EIF2AK1: variants seen among roughly 807,000 people sequenced by gnomAD.
The protein encoded by EIF2AK1 is eukaryotic translation initiation factor 2-alpha kinase 1.
A neutral mutation model predicts 77.9 loss-of-function variants in EIF2AK1; 54 were observed. The ratio of observed to expected loss-of-function variants is 0.69; its 90% CI spans 0.56 to 0.87. The LOEUF is 0.87. EIF2AK1 is among the 40% of genes least tolerant of loss of function. The pLI is 0.00. For synonymous variants in EIF2AK1, 314 were observed against 290.5 expected (o/e 1.08, Z -0.82); for missense variants, 810 against 768.6 (o/e 1.05, Z -0.64).
In EIF2AK1 at chr7:6,023,116, T is replaced by C; in HGVS notation, c.*1557A>G. ...CTCTTTGGTTACTTTTTTAACATAG[T>C]TTGCACTTAAACCCTTTTCAGTAGT... On this transcript the variant is annotated 3_prime_UTR_variant, in exon 15 of 15. Transcript: ENST00000199389. The C allele has an allele frequency of 1.5e-6, 1 of 647,280 alleles. No individual in the cohort carries two copies. The highest frequency in any genetic ancestry group is 2.5e-6 in the Non-Finnish European group (1 of 398,728). The allele number at this position is 647,280 out of a possible 1,614,324, so 40.1% of individuals were successfully genotyped here.
At chr7:6,047,656 G>C (rs928936181) in intron 4 of EIF2AK1, 6 of 149,908 alleles carry the variant, frequency 4.0e-5, no homozygotes, top group African/African-American at 1.3e-4. Flanking sequence ...CTGGGTGACA[G>C]AGCAAGACTC....
In EIF2AK1 at chr7:6,024,017, G is replaced by A. The variant is rs765844577; in HGVS notation, c.*656C>T. The A allele has an allele frequency of 7.5e-7, 1 of 1,327,062 alleles. No homozygotes were observed. Among genetic ancestry groups the A allele is most frequent in the South Asian group, 1.2e-5 (1 of 81,344 alleles). The allele number at this position is 1,327,062 out of a possible 1,614,324, so 82.2% of individuals were successfully genotyped here. ...AAAGGAGGAAGTACCGGGGAACAGT[G>A]CAGGGCAAAGGCAGGAAAGAGATCT... On this transcript the variant is annotated 3_prime_UTR_variant, in exon 15 of 15. Coordinates refer to ENST00000199389, the MANE Select transcript of EIF2AK1 (RefSeq NM_014413.4).
intron 6 of EIF2AK1, 143 bp downstream of exon 6, chr7:6,045,928 G>A (rs1488131191): frequency 4.3e-6 from 2 of 462,800 alleles, no homozygotes; most frequent in African/African-American, 4.2e-5. Flanking sequence ...ATTTAATTTT[G>A]GTACTTTACT....
intron 8 of EIF2AK1, among the ~76,000 whole-genome samples, chr7:6,041,472 G>C (rs989052191): frequency 6.6e-6 from 1 of 151,946 alleles, no homozygotes; most frequent in Non-Finnish European, 1.5e-5. Flanking sequence ...CCAGGAGATG[G>C]AGGTTATAGT....
intron 7 of EIF2AK1, among the ~76,000 whole-genome samples, chr7:6,043,724 C>T (rs1788364074): frequency 6.6e-6 from 1 of 151,790 alleles, no homozygotes; most frequent in South Asian, 2.1e-4. Context: ...ACACTGCCCC[C>T]AGCTAACTTT....
At position 6,023,222 on chromosome 7, in the gene EIF2AK1, T is replaced by C; in HGVS notation, c.*1451A>G. 6.8e-7 allele frequency: 1 copy of C among 1,466,708 alleles called. No homozygotes were observed. Among genetic ancestry groups the C allele is most frequent in the Non-Finnish European group, 9.1e-7 (1 of 1,102,638 alleles). The allele number at this position is 1,466,708 out of a possible 1,614,324, so 90.9% of individuals were successfully genotyped here. ...CATGTCATCAGTCTGTGGTGTTTGG[T>C]GACTGTCCCCTTCCCCACTGTGCGA... On this transcript the variant is annotated 3_prime_UTR_variant, in exon 15 of 15. Coordinates refer to ENST00000199389, the MANE Select transcript of EIF2AK1 (RefSeq NM_014413.4).
Position 6,036,224 on chromosome 7 carries a change from C to T in EIF2AK1, c.1332+1200G>A, listed in dbSNP as rs775470778. On this transcript the variant is annotated intron_variant, in intron 11 of 14. Coordinates refer to ENST00000199389, the MANE Select transcript of EIF2AK1 (RefSeq NM_014413.4). This position sits in a 1 kb window ranked among gnomAD's most constrained non-coding sequence, Gnocchi z 4.6. ...CAGAATTCCGCCTCTTAAGGGACAC[C>T]CTAATAAAGCAATCGCAAAAACCTT... 1 of 1,550,000 alleles carries T rather than the reference C, an allele frequency of 6.5e-7. No homozygotes were observed. Among genetic ancestry groups the T allele is most frequent in the South Asian group, 1.2e-5 (1 of 84,028 alleles).
chr7:6,058,204 G>A (rs911139708), intron 1 of EIF2AK1: 36 of 454,258 alleles, frequency 7.9e-5, no homozygotes, highest in African/African-American at 6.2e-4. Flanking sequence ...GAGGCCAGGC[G>A]TTCGAGACCA....
rs763840594 is a variant in EIF2AK1, at chr7:6,046,060, A to G, written c.630+11T>C. 6 of 1,498,838 alleles carry G rather than the reference A, an allele frequency of 4.0e-6. No individual in the cohort carries two copies. The highest frequency in any genetic ancestry group is 4.5e-6 in the Non-Finnish European group (5 of 1,100,660). The allele number at this position is 1,498,838 out of a possible 1,614,324, so 92.8% of individuals were successfully genotyped here. A position where few individuals can be genotyped will look rare whatever the true frequency, so the allele number is the denominator to read the frequency against. ...CAATTATTCAAAATAAGTAATTTTT[A>G]AAAATCATACCTTCATGCAAACTGT... On this transcript the variant is annotated intron_variant, in intron 6 of 14. Transcript: ENST00000199389.
intron 2 of EIF2AK1, among the ~76,000 whole-genome samples, chr7:6,050,841 G>C (rs968170341): frequency 1.3e-5 from 2 of 151,816 alleles, no homozygotes; most frequent in East Asian, 3.9e-4. Context: ...CTGACCTCGT[G>C]ATCCACCCAC....
intron 3 of EIF2AK1, among the ~76,000 whole-genome samples, chr7:6,049,102 C>T (rs1417649932): frequency 1.3e-5 from 2 of 152,128 alleles, no homozygotes; most frequent in Non-Finnish European, 2.9e-5. Flanking sequence ...CCACCTCTCT[C>T]GCGTGTATGG....
chr7:6,043,282 G>A (rs1415637451), intron 7 of EIF2AK1, among the ~76,000 whole-genome samples: 8 of 151,972 alleles, frequency 5.3e-5, no homozygotes, highest in Non-Finnish European at 8.8e-5. Context: ...ATTCTGTTAT[G>A]GTATAAAAGC....
rs1788696378 is a variant in EIF2AK1, at chr7:6,054,526, A to G, written c.277+20T>C. ...GCCTTTACAAGCTTTATTTAGCAAG[A>G]TTCATTTATTCTTACTTACGCTTAA... On this transcript the variant is annotated intron_variant, in intron 2 of 14. Transcript: ENST00000199389. 5 of 1,612,228 alleles carry G rather than the reference A, an allele frequency of 3.1e-6. No homozygotes were observed. In the South Asian group the frequency reaches 5.5e-5, roughly 18 times the overall value.
At chr7:6,052,120 C>T (rs976565683) in intron 2 of EIF2AK1, among the ~76,000 whole-genome samples, 11 of 147,510 alleles carry the variant, frequency 7.5e-5, no homozygotes, top group African/African-American at 2.3e-4. Flanking sequence ...TGCAGTGAGC[C>T]GAGATCGCAC....
rs180960363 is a variant in EIF2AK1, at chr7:6,032,916, C to T, written c.1333-3884G>A. ...AGAGTCTGCTCTGCCTGTTACGGCA[C>T]GGTGCTGACCCAGAAGTCAGGTAAG... On this transcript the variant is annotated intron_variant, in intron 11 of 14. Coordinates refer to ENST00000199389, the MANE Select transcript of EIF2AK1 (RefSeq NM_014413.4). This position sits in a 1 kb window ranked among gnomAD's most constrained non-coding sequence, Gnocchi z 4.3. The T allele has an allele frequency of 2.0e-4, 306 of 1,550,650 alleles. 2 individuals carry two copies. In the East Asian group the frequency reaches 2.1e-3, roughly 11 times the overall value.
At chr7:6,057,355 T>C (rs1225853408) in intron 1 of EIF2AK1, 1 of 152,084 alleles carries the variant, frequency 6.6e-6, no homozygotes, top group Non-Finnish European at 1.5e-5. Flanking sequence ...GCACCTTTAT[T>C]TTTTCTCATA....
Position 6,049,955 on chromosome 7 carries a change from G to A in EIF2AK1, c.368C>T (p.Ala123Val), listed in dbSNP as rs1280059392. Residue 123 changes from alanine to valine, a missense_variant, in exon 3 of 15, where the codon GCT becomes GTT. Ala to Val is a moderately conservative substitution (Grantham distance 64, BLOSUM62 0). Coordinates refer to ENST00000199389, the MANE Select transcript of EIF2AK1 (RefSeq NM_014413.4). ...AGCAGACCTCATTAAGTGAGTAATA[G>A]CTCTGTTGTGATGTAGTCTCAATGA... Reference protein sequence around the residue: ...FSSLRLHHNRAITHLMRSAKE... With the variant: ...FSSLRLHHNRVITHLMRSAKE... 6.2e-7 allele frequency: 1 copy of A among 1,613,126 alleles called. No individual in the cohort carries two copies. Among genetic ancestry groups the A allele is most frequent in the Non-Finnish European group, 8.5e-7 (1 of 1,179,690 alleles).
At chr7:6,031,664 G>A (rs1388412288) in intron 11 of EIF2AK1, 3 of 1,446,924 alleles carry the variant, frequency 2.1e-6, no homozygotes, top group Admixed American at 4.0e-5. Context: ...TCTAAAGCTG[G>A]TGAACCCACT....
intron 4 of EIF2AK1, chr7:6,047,314 T>G: frequency 3.1e-6 from 2 of 636,840 alleles, no homozygotes; most frequent in Admixed American, 4.5e-5. Context: ...ATTACCGATG[T>G]TGTACAGCAG....
Sources: gnomAD v4.1 joint callset for allele counts (sites outside exome capture counted in the v4.1 genomes callset) on GRCh38, gnomAD v4.1.1 for gene constraint, Gnocchi (gnomAD v3.1) non-coding constraint, MANE v1.5 for transcripts, NCBI Gene and HGNC (gene_info 2026-07-23, HGNC 2026-07-21) for gene names.